OPCML: variants seen among roughly 807,000 people sequenced by gnomAD.
OPCML encodes the protein opioid binding protein/cell adhesion molecule like.
A neutral mutation model predicts 37.8 loss-of-function variants in OPCML; 13 were observed. That is an observed-to-expected ratio of 0.34 (90% confidence interval 0.22 to 0.55). The LOEUF (loss-of-function observed/expected upper bound fraction) is 0.55. Ranked by LOEUF, OPCML falls within the 20% of genes least tolerant of loss-of-function variation. OPCML has a pLI of 0.91. For missense variants in OPCML, 341 were observed against 435.6 expected, an observed-to-expected ratio of 0.78 and a Z score of 1.93; for synonymous variants, 176 against 168.8, an observed-to-expected ratio of 1.04 and a Z score of -0.33.
intron 2 of OPCML, among the ~76,000 whole-genome samples, chr11:132,666,893 C>T (rs1007311821): frequency 3.3e-5 from 5 of 152,162 alleles, no homozygotes; most frequent in African/African-American, 4.8e-5. Context: ...TGAGAATAGG[C>T]TGGACTTCTT....
In OPCML at chr11:132,943,188, G is replaced by T; in HGVS notation, c.62-178C>A. 1.9e-6 allele frequency: 3 copies of T among 1,575,184 alleles called. No individual in the cohort carries two copies. The highest frequency in any genetic ancestry group is 2.6e-6 in the Non-Finnish European group (3 of 1,154,774). ...GGCTCGGGAAGCGGTGCGGGGAGGA[G>T]GGAAGGGGCAGAGTTCGCCAGGAGC... On this transcript the variant is annotated intron_variant, in intron 1 of 7. Coordinates refer to ENST00000524381, the MANE Select transcript of OPCML (RefSeq NM_001012393.5). This position sits in a 1 kb window ranked among gnomAD's most constrained non-coding sequence, Gnocchi z 4.3.
At chr11:133,138,060 T>C (rs1216207140) in intron 1 of OPCML, among the ~76,000 whole-genome samples, 1 of 152,096 alleles carries the variant, frequency 6.6e-6, no homozygotes, top group Non-Finnish European at 1.5e-5. Flanking sequence ...GTGGGAGGTG[T>C]TTGGGTCCTG....
chr11:133,105,988 A>T lies in OPCML; in HGVS notation c.62-162978T>A, dbSNP rs529735822. ...CAGAGCAAGACTCCATCTTAAAAAT[A>T]AAAAAAAAAAGAAAAAAAGAATACT... On this transcript the variant is annotated intron_variant, in intron 1 of 7. Coordinates refer to ENST00000524381, the MANE Select transcript of OPCML (RefSeq NM_001012393.5). Among the ~76,000 whole-genome samples, 48 of 62,344 alleles carry T rather than the reference A, an allele frequency of 7.7e-4. 1 individual carries two copies. In the South Asian group the frequency reaches 9.1e-3, roughly 12 times the overall value. 40.9% of individuals were successfully genotyped at this position (62,344 alleles called of 152,430 possible). A position where few individuals can be genotyped will look rare whatever the true frequency, so the allele number is the denominator to read the frequency against.
intron 1 of OPCML, among the ~76,000 whole-genome samples, chr11:133,378,271 A>G (rs1251733023): frequency 6.6e-6 from 1 of 152,182 alleles, no homozygotes; most frequent in African/African-American, 2.4e-5. Context: ...TTTTGCCTAA[A>G]TGAGAACAAA....
chr11:132,831,667 CCT>C (rs1194913723), intron 2 of OPCML, among the ~76,000 whole-genome samples: 7 of 151,826 alleles, frequency 4.6e-5, no homozygotes, highest in African/African-American at 1.7e-4. Flanking sequence ...TTCACTTGAC[CCT>C]CTCTCCTGAC....
intron 1 of OPCML, chr11:133,026,661 G>T: frequency 1.2e-6 from 1 of 811,966 alleles, no homozygotes; most frequent in Non-Finnish European, 1.5e-6. Context: ...GCATTGCCTG[G>T]ATTCCTACAG....
At chr11:133,216,701 T>C (rs1939598204) in intron 1 of OPCML, among the ~76,000 whole-genome samples, 1 of 152,200 alleles carries the variant, frequency 6.6e-6, no homozygotes, top group Non-Finnish European at 1.5e-5. Flanking sequence ...AGAACTGGGA[T>C]TCAAACTTGG....
In OPCML at chr11:132,436,218, C is replaced by G. The variant is rs1442244590; in HGVS notation, c.784G>C (p.Gly262Arg). 6.2e-7 allele frequency: 1 copy of G among 1,614,198 alleles called. No individual in the cohort carries two copies. Among genetic ancestry groups the G allele is most frequent in the Admixed American group, 1.7e-5 (1 of 60,036 alleles). The change falls in exon 7 of 8, where the codon GGA (glycine) becomes CGA (arginine). Residue 262 changes from glycine (G) to arginine (R), a missense_variant. Transcript: ENST00000524381. ...EETRLATGLD[G>R]MRIENKGRMS... ...CGGCCTTTGTTTTCAATCCTCATTC[C>G]ATCCAGACCAGTGGCTAACCTGCAA... is the stretch of plus-strand genomic sequence containing the variant.
intron 1 of OPCML, among the ~76,000 whole-genome samples, chr11:133,333,146 C>T (rs1405305744): frequency 6.6e-6 from 1 of 152,136 alleles, no homozygotes; most frequent in Non-Finnish European, 1.5e-5. Flanking sequence ...GCAACCTCTG[C>T]CTCCCAGGTT....
At chr11:133,494,113 T>TA (rs200142583) in intron 1 of OPCML, among the ~76,000 whole-genome samples, 6,271 of 151,288 alleles carry the variant, frequency 0.041, 194 homozygotes, top group South Asian at 0.11. Context: ...AAAAAACACA[T>TA]AAAAAAATGC....
chr11:133,469,613 A>G (rs79626145), intron 1 of OPCML, among the ~76,000 whole-genome samples: 3,188 of 152,256 alleles, frequency 0.021, 109 homozygotes, highest in African/African-American at 0.073. Context: ...TCTCTTCACA[A>G]CAAGGCCTTG....
At chr11:133,258,441 A>G (rs1330620191) in intron 1 of OPCML, among the ~76,000 whole-genome samples, 1 of 152,176 alleles carries the variant, frequency 6.6e-6, no homozygotes, top group Non-Finnish European at 1.5e-5. Flanking sequence ...CTTGCCGATG[A>G]GCACGTGACC....
chr11:133,005,963 A>T, intron 1 of OPCML: 1 of 985,408 alleles, frequency 1.0e-6, no homozygotes, highest in Non-Finnish European at 1.2e-6. Context: ...CTTCCAGGAC[A>T]AGTTCTAAAA....
At chr11:132,841,537 T>TAC (rs1469457501) in intron 2 of OPCML, among the ~76,000 whole-genome samples, 1 of 152,114 alleles carries the variant, frequency 6.6e-6, no homozygotes, top group Non-Finnish European at 1.5e-5. Flanking sequence ...CCCTCAAAAA[T>TAC]ACAATCTACC....
chr11:133,157,722 T>A (rs1950081829), intron 1 of OPCML, among the ~76,000 whole-genome samples: 1 of 152,196 alleles, frequency 6.6e-6, no homozygotes, highest in African/African-American at 2.4e-5. Context: ...GTGAAAATTG[T>A]ACCCATCTGT....
intron 2 of OPCML, among the ~76,000 whole-genome samples, chr11:132,839,894 T>C (rs758881697): frequency 1.9e-4 from 29 of 152,190 alleles, no homozygotes; most frequent in Non-Finnish European, 3.7e-4. Context: ...GTTTCTTGCT[T>C]TGTGGACAGA....
At chr11:132,516,753 CTTTCT>C (rs2137218553) in intron 4 of OPCML, among the ~76,000 whole-genome samples, 1 of 152,258 alleles carries the variant, frequency 6.6e-6, no homozygotes, top group African/African-American at 2.4e-5. Flanking sequence ...TCCTCAACAC[CTTTCT>C]CATGGTAGGC....
intron 1 of OPCML, among the ~76,000 whole-genome samples, chr11:133,222,803 G>A (rs75001957): frequency 0.032 from 4,932 of 151,756 alleles, 92 homozygotes; most frequent in East Asian, 0.095. Flanking sequence ...GGAGGTGGGG[G>A]GAGCAAAGGG....
intron 1 of OPCML, chr11:133,005,150 C>A (rs1947083054): frequency 1.0e-6 from 1 of 985,402 alleles, no homozygotes; most frequent in Non-Finnish European, 1.2e-6. Flanking sequence ...CCTGCTCCTG[C>A]ACCACTGACC....
Sources: gnomAD v4.1 joint callset for allele counts (sites outside exome capture counted in the v4.1 genomes callset) on GRCh38, gnomAD v4.1.1 for gene constraint, Gnocchi (gnomAD v3.1) non-coding constraint, MANE v1.5 for transcripts, NCBI Gene and HGNC (gene_info 2026-07-23, HGNC 2026-07-21) for gene names.